SASH1: variants seen among roughly 807,000 people sequenced by gnomAD.
The protein encoded by SASH1 is SAM and SH3 domain containing 1.
Under a neutral mutation model 125.2 loss-of-function variants are expected in SASH1, and 44 were observed. The ratio of observed to expected loss-of-function variants is 0.35; its 90% CI spans 0.28 to 0.45. The LOEUF (loss-of-function observed/expected upper bound fraction) is 0.45, where lower values mean the gene tolerates loss of function less well. Among genes scored for constraint, SASH1 ranks in the 20% least tolerant of loss-of-function variants. The probability of loss-of-function intolerance (pLI) is 1.00; values close to 1 mark genes in which losing one functional copy is unlikely to be tolerated. For synonymous variants in SASH1, 639 were observed against 649.1 expected (o/e 0.98, Z 0.24); for missense variants, 1,426 against 1,614.5 (o/e 0.88, Z 2.00).
chr6:148,422,648 T>G (rs1025873427), intron 2 of SASH1, among the ~76,000 whole-genome samples: 1 of 152,256 alleles, frequency 6.6e-6, no homozygotes, highest in Non-Finnish European at 1.5e-5. Flanking sequence ...AAATTTCATT[T>G]GCTTTTGAAC....
intron 1 of SASH1, among the ~76,000 whole-genome samples, chr6:148,307,367 C>T (rs7768631): frequency 0.11 from 17,141 of 151,878 alleles, 1,029 homozygotes; most frequent in Non-Finnish European, 0.12. Flanking sequence ...CTGCCTGCCT[C>T]GGCCTCCCAA....
rs151068215 is a variant in SASH1, at chr6:148,442,900, A to G, written c.386+2493A>G. Among the ~76,000 whole-genome samples the G allele has an allele frequency of 2.9e-4, 44 of 151,810 alleles. No homozygotes were observed. The East Asian group carries it at 8.3e-3, about 29-fold the overall frequency. On this transcript the variant is annotated intron_variant, in intron 4 of 19. Transcript: ENST00000367467. The stretch of plus-strand genomic sequence containing the variant: ...GCTATTCTCCTGCCTTAGCCTCTTG[A>G]GTAGCTGAGATTACAGGCACCCGCC...
At chr6:148,480,470 A>G (rs1270245995) in intron 7 of SASH1, 1 of 152,162 alleles carries the variant, frequency 6.6e-6, no homozygotes, top group Non-Finnish European at 1.5e-5. Flanking sequence ...CAGGCCACCA[A>G]ATGGGTTTAT....
chr6:148,441,938 ATAT>A (rs1468962477), intron 4 of SASH1, among the ~76,000 whole-genome samples: 2 of 152,192 alleles, frequency 1.3e-5, no homozygotes, highest in Non-Finnish European at 2.9e-5. Context: ...TCCATTTGTA[ATAT>A]TGTCATTTTG....
chr6:148,247,877 C>T, the SASH1 span, among the ~76,000 whole-genome samples: 1 of 152,222 alleles, frequency 6.6e-6, no homozygotes, highest in Non-Finnish European at 1.5e-5. Flanking sequence ...AACCCTAGAC[C>T]TCCTCAAATT....
At chr6:148,244,522 T>G in the SASH1 span, among the ~76,000 whole-genome samples, 1 of 152,106 alleles carries the variant, frequency 6.6e-6, no homozygotes, top group Non-Finnish European at 1.5e-5. Flanking sequence ...ATTTAGAGAG[T>G]GGGCCAGTGT....
At position 148,550,905 on chromosome 6, in the gene SASH1, A is replaced by C. The variant is rs1695644592; in HGVS notation, c.*2347A>C. 1 of 152,462 alleles carries C rather than the reference A, an allele frequency of 6.6e-6. No individual in the cohort carries two copies. The highest frequency in any genetic ancestry group is 2.4e-5 in the African/African-American group (1 of 41,478). The allele number at this position is 152,462 out of a possible 1,614,324, so 9.4% of individuals were successfully genotyped here. A position where few individuals can be genotyped will look rare whatever the true frequency, so the allele number is the denominator to read the frequency against. On this transcript the variant is annotated 3_prime_UTR_variant, in exon 20 of 20. Transcript: ENST00000367467. ...ATCTCATGTGAATTTCCAAGTTTTAATTCGTTCTCCATGAAGGATTTTCAT... is the reference window on the plus strand; with the variant it reads ...ATCTCATGTGAATTTCCAAGTTTTACTTCGTTCTCCATGAAGGATTTTCAT...
chr6:148,219,523 C>T, the SASH1 span, among the ~76,000 whole-genome samples: 186 of 152,314 alleles, frequency 1.2e-3, no homozygotes, highest in Middle Eastern at 3.4e-3. Flanking sequence ...CTTTAACACG[C>T]CTCATGATTC....
At position 148,343,214 on chromosome 6, in the gene SASH1, G is replaced by T; in HGVS notation, c.147G>T (p.Met49Ile). 2 of 1,589,038 alleles carry T rather than the reference G, an allele frequency of 1.3e-6. No homozygotes were observed. Among genetic ancestry groups the T allele is most frequent in the Middle Eastern group, 1.7e-4 (1 of 6,034 alleles). Reference protein sequence around the residue: ...EAFSRLWTDVMGILDGSLGNI... With the variant: ...EAFSRLWTDVIGILDGSLGNI... ...TCTCCCGACTCTGGACCGACGTGATGGGTATCCTGGTAAGTTACCTGGGGA... is the reference window on the plus strand; with the variant it reads ...TCTCCCGACTCTGGACCGACGTGATTGGTATCCTGGTAAGTTACCTGGGGA... The change falls in exon 1 of 20, where the codon ATG (methionine) becomes ATT (isoleucine). Residue 49 changes from methionine (M) to isoleucine (I), a missense_variant. Around this residue, in one of 3 missense-constraint regions of SASH1, gnomAD observed 567 missense variants for 575.6 expected, o/e 0.99. Transcript: ENST00000367467.
intron 2 of SASH1, among the ~76,000 whole-genome samples, chr6:148,438,985 A>T (rs1776431179): frequency 6.6e-6 from 1 of 152,110 alleles, no homozygotes; most frequent in Non-Finnish European, 1.5e-5. Flanking sequence ...TTAATACTTT[A>T]TTGCTACTTT....
chr6:148,483,152 C>T (rs1023789907), intron 7 of SASH1, among the ~76,000 whole-genome samples: 1 of 152,046 alleles, frequency 6.6e-6, no homozygotes, highest in Non-Finnish European at 1.5e-5. Context: ...ATTCTACTGC[C>T]GAGAGATTGG....
chr6:148,390,717 G>A (rs182675635), intron 2 of SASH1, among the ~76,000 whole-genome samples: 45 of 151,642 alleles, frequency 3.0e-4, no homozygotes, highest in Non-Finnish European at 4.6e-4. Context: ...GAACCTGGGT[G>A]GCAGAGCTTG....
the SASH1 span, among the ~76,000 whole-genome samples, chr6:148,230,133 G>A: frequency 6.6e-6 from 1 of 152,038 alleles, no homozygotes; most frequent in African/African-American, 2.4e-5. Flanking sequence ...TGCCTATTCT[G>A]AATATTTTAT....
At chr6:148,458,029 T>C (rs1777443314) in intron 4 of SASH1, among the ~76,000 whole-genome samples, 1 of 152,232 alleles carries the variant, frequency 6.6e-6, no homozygotes, top group African/African-American at 2.4e-5. Flanking sequence ...TATGATTATA[T>C]TCACCTGCAT....
chr6:148,389,769 G>A (rs796218435), intron 1 of SASH1, among the ~76,000 whole-genome samples: 10 of 152,198 alleles, frequency 6.6e-5, no homozygotes, highest in African/African-American at 2.2e-4. Flanking sequence ...TGCTTCCCTG[G>A]TGTTTCCTCT....
chr6:148,528,936 G>A (rs1450444848), intron 12 of SASH1, among the ~76,000 whole-genome samples: 2 of 152,026 alleles, frequency 1.3e-5, no homozygotes, highest in Non-Finnish European at 2.9e-5. Context: ...CCCATCTGGG[G>A]ATGATGGGAG....
At chr6:148,255,761 G>A in the SASH1 span, among the ~76,000 whole-genome samples, 1 of 152,000 alleles carries the variant, frequency 6.6e-6, no homozygotes, top group South Asian at 2.1e-4. Flanking sequence ...TCCCACCTCA[G>A]CCTCCTGAGT....
At chr6:148,252,675 C>T in the SASH1 span, among the ~76,000 whole-genome samples, 1 of 152,068 alleles carries the variant, frequency 6.6e-6, no homozygotes, top group Non-Finnish European at 1.5e-5. Flanking sequence ...GGCAGGGTTT[C>T]GCCATGTTGG....
At chr6:148,456,876 T>TAAG (rs1777379351) in intron 4 of SASH1, among the ~76,000 whole-genome samples, 1 of 120,066 alleles carries the variant, frequency 8.3e-6, no homozygotes, top group South Asian at 2.5e-4. Flanking sequence ...CTCATAACAA[T>TAAG]AATAATAATA....
Sources: allele counts gnomAD v4.1 joint callset (sites outside exome capture counted in the v4.1 genomes callset), GRCh38; gene constraint gnomAD v4.1.1; regional missense constraint gnomAD v4.1.1; transcripts MANE v1.5; gene names NCBI Gene and HGNC (gene_info 2026-07-23, HGNC 2026-07-21).